The following AK9 variants were observed in gnomAD, a reference collection of about 807,000 sequenced individuals.
AK9 encodes the protein adenylate kinase domain containing 1.
A neutral mutation model predicts 239.6 loss-of-function variants in AK9; 191 were observed. That is an observed-to-expected ratio of 0.80 (90% CI 0.71 to 0.90). The LOEUF is 0.90. Among genes scored for constraint, AK9 ranks in the 40% least tolerant of loss-of-function variants. The pLI is 0.00. For synonymous variants in AK9, 689 were observed against 721.0 expected (o/e 0.96, Z 0.71); for missense variants, 1,995 against 2,214.7 (o/e 0.90, Z 1.99).
chr6:109,516,517 T>A lies in AK9; in HGVS notation c.3759A>T (p.Glu1253Asp). The A allele has an allele frequency of 6.4e-7, 1 of 1,551,786 alleles. No individual in the cohort carries two copies. Among genetic ancestry groups the A allele is most frequent in the South Asian group, 1.2e-5 (1 of 84,056 alleles). Reference sequence around the variant, plus strand: ...GCTCAATTGCATCAGTTTCCTGTTCTTCATCTTCCTCGCCACTCATCTCTT... The same window carrying A: ...GCTCAATTGCATCAGTTTCCTGTTCATCATCTTCCTCGCCACTCATCTCTT... ...DEEEMSGEED[E>D]EQETDAIERL... Residue 1253 changes from glutamate to aspartate, a missense_variant, in exon 30 of 41, where the codon GAA becomes GAT. Glu to Asp is a conservative substitution (Grantham distance 45, BLOSUM62 2). Around this residue, in one of 5 missense-constraint regions of AK9, gnomAD observed 1,290 missense variants for 1,392.7 expected, o/e 0.93. Coordinates refer to ENST00000424296, the MANE Select transcript of AK9 (RefSeq NM_001145128.3).
chr6:109,613,736 T>G (rs1353938663), intron 15 of AK9, among the ~76,000 whole-genome samples: 1 of 151,306 alleles, frequency 6.6e-6, no homozygotes, highest in Non-Finnish European at 1.5e-5. Context: ...TTACATATAA[T>G]TATTATATAA....
chr6:109,669,120 T>C (rs1474347521), intron 5 of AK9, among the ~76,000 whole-genome samples: 8 of 151,522 alleles, frequency 5.3e-5, no homozygotes, highest in Admixed American at 3.3e-4. Context: ...ACATCCCTTG[T>C]AAGTTGGATT....
chr6:109,541,713 C>T (rs7746817), intron 27 of AK9, among the ~76,000 whole-genome samples: 7 of 152,220 alleles, frequency 4.6e-5, no homozygotes, highest in African/African-American at 4.8e-5. Context: ...CCCGGCCCTA[C>T]AATAAATTTT....
chr6:109,593,843 T>A (rs1790625182), intron 17 of AK9, among the ~76,000 whole-genome samples: 1 of 152,158 alleles, frequency 6.6e-6, no homozygotes, highest in Non-Finnish European at 1.5e-5. Flanking sequence ...CTCAATAAAC[T>A]AGGTATTGAT....
intron 17 of AK9, among the ~76,000 whole-genome samples, chr6:109,603,644 T>C (rs1383272832): frequency 2.6e-5 from 4 of 152,196 alleles, no homozygotes; most frequent in Non-Finnish European, 5.9e-5. Context: ...TGCTGCCTTT[T>C]GTTTGGCTAT....
In AK9 at chr6:109,497,925, G is replaced by C; in HGVS notation, c.5087C>G (p.Ala1696Gly). The change falls in exon 37 of 41, where the codon GCA (alanine) becomes GGA (glycine). Residue 1696 changes from alanine (A) to glycine (G), a missense_variant. Coordinates refer to ENST00000424296, the MANE Select transcript of AK9 (RefSeq NM_001145128.3). The part of the protein sequence containing the change: ...ENPELYVPPL[A>G]PHPLPSADMI... ...GTCAGCAGATGGGAGTGGATGAGGT[G>C]CTAAGGGAGGCACGTACAATTCTGG... is the stretch of plus-strand genomic sequence containing the variant. The C allele has an allele frequency of 6.2e-7, 1 of 1,614,108 alleles. No homozygotes were observed. The highest frequency in any genetic ancestry group is 8.5e-7 in the Non-Finnish European group (1 of 1,179,986).
chr6:109,579,695 A>G (rs1311216032), intron 19 of AK9, 69 bp from the exon 20 acceptor site: 2 of 1,272,406 alleles, frequency 1.6e-6, no homozygotes, highest in African/African-American at 3.0e-5. Flanking sequence ...ACAGGATTAA[A>G]TGCTTATAGT....
chr6:109,578,923 G>T (rs149203781), intron 20 of AK9, among the ~76,000 whole-genome samples: 1 of 151,976 alleles, frequency 6.6e-6, no homozygotes, highest in Non-Finnish European at 1.5e-5. Flanking sequence ...TCTTAAATTC[G>T]CTGAGACCTG....
At chr6:109,510,371 G>A (rs1294412052) in intron 32 of AK9, among the ~76,000 whole-genome samples, 1 of 152,016 alleles carries the variant, frequency 6.6e-6, no homozygotes, top group Non-Finnish European at 1.5e-5. Context: ...TAGCTGGAGA[G>A]GACAGGACGA....
chr6:109,671,213 C>T (rs1271031930), intron 5 of AK9, among the ~76,000 whole-genome samples: 1 of 152,168 alleles, frequency 6.6e-6, no homozygotes, highest in Non-Finnish European at 1.5e-5. Flanking sequence ...ATGTCTTCTT[C>T]TAACTTACTA....
At chr6:109,606,644 G>A (rs1792923701) in intron 17 of AK9, among the ~76,000 whole-genome samples, 1 of 152,174 alleles carries the variant, frequency 6.6e-6, no homozygotes, top group African/African-American at 2.4e-5. Flanking sequence ...TACTGGGCAA[G>A]TACCTTTCAT....
At chr6:109,551,140 C>A (rs1309476792) in intron 24 of AK9, among the ~76,000 whole-genome samples, 1 of 152,152 alleles carries the variant, frequency 6.6e-6, no homozygotes, top group Non-Finnish European at 1.5e-5. Flanking sequence ...TTCCACAAAA[C>A]AAGATACAAC....
chr6:109,664,262 G>A (rs77750918), intron 5 of AK9, among the ~76,000 whole-genome samples: 4,367 of 152,056 alleles, frequency 0.029, 99 homozygotes, highest in East Asian at 0.11. Context: ...AGAGTCTTGT[G>A]CCCCAAAAGT....
At chr6:109,610,279 T>A (rs1271847576) in intron 17 of AK9, 86 bp downstream of exon 17, 8 of 1,441,954 alleles carry the variant, frequency 5.5e-6, no homozygotes, top group Non-Finnish European at 7.5e-6. Flanking sequence ...ATCATAAGAC[T>A]CTAAAATAAT....
intron 38 of AK9, 113 bp downstream of exon 38, chr6:109,497,352 A>C: frequency 1.6e-6 from 1 of 636,384 alleles, no homozygotes; most frequent in Non-Finnish European, 2.7e-6. Flanking sequence ...ACACACACAC[A>C]CACACACACA....
At position 109,533,439 on chromosome 6, in the gene AK9, G is replaced by A. The variant is rs749667726; in HGVS notation, c.3382C>T (p.Arg1128Ter). 7 of 1,603,300 alleles carry A rather than the reference G, an allele frequency of 4.4e-6. No homozygotes were observed. The highest frequency in any genetic ancestry group is 2.2e-5 in the East Asian group (1 of 44,786). Residue 1128 changes from arginine to a stop codon, truncating the protein, a stop_gained, in exon 28 of 41, where the codon CGA becomes TGA. Transcript: ENST00000424296. LOFTEE classifies it high-confidence loss of function. ...AAAAACTGGGCCTCTTCTGGATATC[G>A]TGGGAAACCATCTAATATAAAACCT... Reference protein sequence around the residue: ...STGFILDGFPRYPEEAQFLGD... With the variant: ...STGFILDGFP
At chr6:109,501,841 G>A (rs556915388) in intron 35 of AK9, among the ~76,000 whole-genome samples, 4 of 152,300 alleles carry the variant, frequency 2.6e-5, no homozygotes, top group Middle Eastern at 3.4e-3. Context: ...CCAGCTGGAT[G>A]GGATCTCCTG....
At chr6:109,641,650 G>C (rs1374084457) in intron 9 of AK9, 34 bp from the exon 10 acceptor site, 1 of 1,543,914 alleles carries the variant, frequency 6.5e-7, no homozygotes, top group Non-Finnish European at 8.9e-7. Context: ...AACTACATTG[G>C]CATCTGAATA....
chr6:109,592,572 G>A (rs1190870677), intron 17 of AK9, among the ~76,000 whole-genome samples: 4 of 150,806 alleles, frequency 2.7e-5, no homozygotes, highest in East Asian at 2.0e-4. Flanking sequence ...TCAGCCTCCC[G>A]AGTAGCTGGG....
Sources: gnomAD v4.1 joint callset for allele counts (sites outside exome capture counted in the v4.1 genomes callset) on GRCh38, gnomAD v4.1.1 for gene constraint, gnomAD v4.1.1 regional missense constraint, MANE v1.5 for transcripts, NCBI Gene and HGNC (gene_info 2026-07-23, HGNC 2026-07-21) for gene names.